Variants in TTLL11 observed in about 807,000 individuals in gnomAD.
The protein encoded by TTLL11 is tubulin polyglutamylase TTLL11.
Under a neutral mutation model 51.7 loss-of-function variants are expected in TTLL11, and 42 were observed. The observed-to-expected ratio is 0.81, with a 90% CI of 0.64 to 1.05. TTLL11 has a LOEUF of 1.05. TTLL11 is among the 50% of genes least tolerant of loss of function. The pLI, the probability that TTLL11 is intolerant of heterozygous loss-of-function variation, is 0.00. For missense variants in TTLL11, 799 were observed against 940.4 expected, an observed-to-expected ratio of 0.85 and a Z score of 1.97; for synonymous variants, 381 against 383.5, an observed-to-expected ratio of 0.99 and a Z score of 0.08.
chr9:121,881,417 G>T (rs1327117526), intron 6 of TTLL11, among the ~76,000 whole-genome samples: 3 of 152,164 alleles, frequency 2.0e-5, no homozygotes, highest in Non-Finnish European at 2.9e-5. Context: ...CTGAGCACCC[G>T]ATGAACCCTT....
At chr9:122,017,826 G>T (rs575580485) in intron 3 of TTLL11, among the ~76,000 whole-genome samples, 167 of 152,194 alleles carry the variant, frequency 1.1e-3, no homozygotes, top group African/African-American at 3.9e-3. Context: ...GATGTCCTAC[G>T]CACATTCAAT....
intron 4 of TTLL11, among the ~76,000 whole-genome samples, chr9:121,977,503 T>C (rs1842737295): frequency 6.6e-6 from 1 of 152,172 alleles, no homozygotes; most frequent in Non-Finnish European, 1.5e-5. Flanking sequence ...GTGTGCTTTG[T>C]AGTCAAGAGG....
At chr9:122,063,833 G>A (rs1404259490) in intron 1 of TTLL11, among the ~76,000 whole-genome samples, 1 of 152,148 alleles carries the variant, frequency 6.6e-6, no homozygotes, top group Non-Finnish European at 1.5e-5. Context: ...CAGGACAGCT[G>A]GTCACCCTAG....
intron 6 of TTLL11, among the ~76,000 whole-genome samples, chr9:121,889,361 T>A (rs1160459349): frequency 6.6e-6 from 1 of 152,220 alleles, no homozygotes; most frequent in Non-Finnish European, 1.5e-5. Flanking sequence ...ACTTTTTTAA[T>A]TTTTGGAAAA....
At chr9:121,884,594 A>T (rs1345167529) in intron 6 of TTLL11, 2 of 152,126 alleles carry the variant, frequency 1.3e-5, no homozygotes, top group Non-Finnish European at 2.9e-5. Context: ...CTTTTACAAA[A>T]AAAAACCACT....
intron 1 of TTLL11, among the ~76,000 whole-genome samples, chr9:122,067,766 G>A (rs1845626355): frequency 6.6e-6 from 1 of 152,214 alleles, no homozygotes; most frequent in Non-Finnish European, 1.5e-5. Context: ...GCCTCCCAAA[G>A]TGCCGGGATT....
At chr9:121,830,465 T>A (rs1486922116) in intron 8 of TTLL11, among the ~76,000 whole-genome samples, 2 of 152,208 alleles carry the variant, frequency 1.3e-5, no homozygotes, top group Non-Finnish European at 1.5e-5. Context: ...GGAATGCCCA[T>A]CTGCAAAGCG....
intron 7 of TTLL11, among the ~76,000 whole-genome samples, chr9:121,865,158 T>C (rs1427265699): frequency 6.6e-6 from 1 of 152,142 alleles, no homozygotes. Context: ...ATTATCAAAG[T>C]CACTGAGGAG....
chr9:122,007,194 A>G (rs532810804), intron 3 of TTLL11, among the ~76,000 whole-genome samples: 1 of 152,116 alleles, frequency 6.6e-6, no homozygotes, highest in Non-Finnish European at 1.5e-5. Context: ...CCTGGCACTC[A>G]TGAAAAGAAA....
At chr9:121,927,678 A>G (rs7039531) in intron 6 of TTLL11, among the ~76,000 whole-genome samples, 11,664 of 146,548 alleles carry the variant, frequency 0.08, 659 homozygotes, top group African/African-American at 0.16. Flanking sequence ...AAGACTTCTG[A>G]GGGGATATCA....
chr9:121,842,257 TA>T (rs66633566), intron 8 of TTLL11, among the ~76,000 whole-genome samples: 45,922 of 149,990 alleles, frequency 0.31, 7,183 homozygotes, highest in East Asian at 0.38. Context: ...TCCTTTTTTT[TA>T]AAAAAAAAAG....
chr9:121,909,641 A>G (rs1431866206), intron 6 of TTLL11, among the ~76,000 whole-genome samples: 1 of 152,170 alleles, frequency 6.6e-6, no homozygotes, highest in African/African-American at 2.4e-5. Flanking sequence ...TGTGTTGGGA[A>G]CTAGAGACAC....
chr9:121,930,281 G>C (rs1430612948), intron 6 of TTLL11, among the ~76,000 whole-genome samples: 1 of 152,204 alleles, frequency 6.6e-6, no homozygotes, highest in Non-Finnish European at 1.5e-5. Flanking sequence ...AAAACATGCA[G>C]TATCAGTAAC....
At chr9:122,014,314 G>A (rs1014403503) in intron 3 of TTLL11, among the ~76,000 whole-genome samples, 4 of 151,944 alleles carry the variant, frequency 2.6e-5, no homozygotes, top group African/African-American at 4.8e-5. Flanking sequence ...GCAGTGAGCC[G>A]AGATCGTACC....
intron 7 of TTLL11, among the ~76,000 whole-genome samples, chr9:121,865,427 T>C (rs1470792134): frequency 4.6e-5 from 7 of 152,214 alleles, no homozygotes; most frequent in Non-Finnish European, 8.8e-5. Context: ...ACAGAGAAGA[T>C]GCTGCATTTC....
At chr9:121,975,949 G>A (rs1481165243) in intron 4 of TTLL11, among the ~76,000 whole-genome samples, 1 of 152,276 alleles carries the variant, frequency 6.6e-6, no homozygotes, top group East Asian at 1.9e-4. Flanking sequence ...TTGAAGAAGG[G>A]ATTATGTGCT....
chr9:121,920,005 T>A (rs1840471645), intron 6 of TTLL11, among the ~76,000 whole-genome samples: 1 of 152,126 alleles, frequency 6.6e-6, no homozygotes, highest in Non-Finnish European at 1.5e-5. Context: ...AAAATCAATG[T>A]TTTTTAGGCT....
intron 3 of TTLL11, among the ~76,000 whole-genome samples, chr9:122,017,872 A>T (rs12337067): frequency 0.044 from 6,642 of 152,262 alleles, 174 homozygotes; most frequent in African/African-American, 0.073. Context: ...GAATGGATAG[A>T]ATAATCCCAT....
intron 8 of TTLL11, among the ~76,000 whole-genome samples, chr9:121,842,995 C>T (rs1326660142): frequency 6.6e-6 from 1 of 152,124 alleles, no homozygotes; most frequent in Non-Finnish European, 1.5e-5. Flanking sequence ...GTGCGAAATG[C>T]TAACAGAGGA....
Sources: gnomAD v4.1 joint callset for allele counts (sites outside exome capture counted in the v4.1 genomes callset) on GRCh38, gnomAD v4.1.1 for gene constraint, MANE v1.5 for transcripts, NCBI Gene and HGNC (gene_info 2026-07-23, HGNC 2026-07-21) for gene names.